HSD17B4: variants seen among roughly 807,000 people sequenced by gnomAD.
The protein encoded by HSD17B4 is peroxisomal multifunctional enzyme type 2.
HSD17B4 carries 70 observed loss-of-function variants against 101.0 expected under a neutral mutation model. The ratio of observed to expected loss-of-function variants is 0.69; its 90% CI spans 0.57 to 0.85. The LOEUF (loss-of-function observed/expected upper bound fraction) is 0.85, where lower values mean the gene tolerates loss of function less well. Among genes scored for constraint, HSD17B4 ranks in the 40% least tolerant of loss-of-function variants. The probability of loss-of-function intolerance (pLI) is 0.00; values close to 1 mark genes in which losing one functional copy is unlikely to be tolerated. For missense variants in HSD17B4, 984 were observed against 892.4 expected (o/e 1.10, Z -1.31); for synonymous variants, 347 against 297.1 (o/e 1.17, Z -1.73).
In HSD17B4 at chr5:119,456,410, T is replaced by G. The variant is rs755684822; in HGVS notation, c.112+42T>G. On this transcript the variant is annotated intron_variant, in intron 2 of 23. Coordinates refer to ENST00000510025, the MANE Select transcript of HSD17B4 (RefSeq NM_000414.4). ...TTCTTTTTAATCTGTAGCTGATAACTGAAATACAATCTTTACAAGCTATCT... is the reference window on the plus strand; with the variant it reads ...TTCTTTTTAATCTGTAGCTGATAACGGAAATACAATCTTTACAAGCTATCT... The G allele has an allele frequency of 3.6e-6, 4 of 1,108,384 alleles. No individual in the cohort carries two copies. The Admixed American group carries it at 6.7e-5, about 19-fold the overall frequency. The allele number at this position is 1,108,384 out of a possible 1,614,324, so 68.7% of individuals were successfully genotyped here. A position where few individuals can be genotyped will look rare whatever the true frequency, so the allele number is the denominator to read the frequency against.
chr5:119,492,032 C>A (rs1750154573), intron 9 of HSD17B4, 68 bp from the exon 10 acceptor site: 1 of 1,320,008 alleles, frequency 7.6e-7, no homozygotes, highest in African/African-American at 1.4e-5. Flanking sequence ...TGACTTTTTT[C>A]TAATTAAAAC....
chr5:119,523,924 A>G (rs1278814757), intron 17 of HSD17B4, among the ~76,000 whole-genome samples: 1 of 152,122 alleles, frequency 6.6e-6, no homozygotes, highest in African/African-American at 2.4e-5. Context: ...TCTAGATCTG[A>G]CTAGTACCAA....
intron 1 of HSD17B4, among the ~76,000 whole-genome samples, chr5:119,453,345 G>T (rs1754273109): frequency 6.6e-6 from 1 of 152,212 alleles, no homozygotes; most frequent in African/African-American, 2.4e-5. Flanking sequence ...GAAGTGGACC[G>T]GCCAGTGGGA....
chr5:119,475,894 TGG>T, intron 6 of HSD17B4, 24 bp downstream of exon 6: 1 of 1,516,128 alleles, frequency 6.6e-7, no homozygotes, highest in Non-Finnish European at 9.2e-7. Flanking sequence ...AGTATTTCTC[TGG>T]GGAACATACT....
Position 119,474,389 on chromosome 5 carries a change from C to G in HSD17B4, c.221-12C>G. On this transcript the variant is annotated splice_polypyrimidine_tract_variant and intron_variant, in intron 3 of 23. Coordinates refer to ENST00000510025, the MANE Select transcript of HSD17B4 (RefSeq NM_000414.4). ...GTTGCCGAAATTTCATACAAATTTT[C>G]CTTTCCCTCAGATTCAGTGGAAGAA... 6.3e-7 allele frequency: 1 copy of G among 1,593,280 alleles called. No individual in the cohort carries two copies. The highest frequency in any genetic ancestry group is 8.6e-7 in the Non-Finnish European group (1 of 1,161,248).
intron 7 of HSD17B4, 195 bp downstream of exon 7, chr5:119,477,696 A>C (rs1420130276): frequency 3.5e-6 from 2 of 575,208 alleles, no homozygotes; most frequent in African/African-American, 3.8e-5. Context: ...TGAGCTGGAA[A>C]GCTTTATATT....
chr5:119,515,574 G>A (rs1340232525), intron 17 of HSD17B4, among the ~76,000 whole-genome samples: 1 of 152,146 alleles, frequency 6.6e-6, no homozygotes, highest in Non-Finnish European at 1.5e-5. Flanking sequence ...TTCTGGTGAA[G>A]GAGATAAAAT....
chr5:119,482,447 A>G (rs549450783), intron 8 of HSD17B4, among the ~76,000 whole-genome samples: 7 of 152,214 alleles, frequency 4.6e-5, no homozygotes, highest in East Asian at 3.9e-4. Flanking sequence ...TCTGCCATAT[A>G]TGAATCTGGT....
chr5:119,492,517 A>G (rs952516441), intron 10 of HSD17B4: 3 of 182,656 alleles, frequency 1.6e-5, no homozygotes, highest in African/African-American at 2.4e-5. Context: ...GGTTGAGCCT[A>G]TTCTAGAGCA....
At position 119,492,302 on chromosome 5, in the gene HSD17B4, A is replaced by G; in HGVS notation, c.739+178A>G. ...TTTTTAAACATTGTGATTGTCCTAT[A>G]GGTCTGTGGCCCTTTCAAGACCCTA... On this transcript the variant is annotated intron_variant, in intron 10 of 23. Transcript: ENST00000510025. 4 of 648,730 alleles carry G rather than the reference A, an allele frequency of 6.2e-6. No individual in the cohort carries two copies. In the South Asian group the frequency reaches 7.1e-5, roughly 12 times the overall value. 40.2% of individuals were successfully genotyped at this position (648,730 alleles called of 1,614,324 possible).
intron 17 of HSD17B4, among the ~76,000 whole-genome samples, chr5:119,518,572 GAGA>G (rs1423656600): frequency 2.6e-5 from 4 of 152,164 alleles, no homozygotes; most frequent in Non-Finnish European, 5.9e-5. Context: ...TGTAAGAGAG[GAGA>G]AGAGCATGAC....
At position 119,497,112 on chromosome 5, in the gene HSD17B4, G is replaced by C. The variant is rs115373430; in HGVS notation, c.972+466G>C. ...TTGGAGAATGGAGGTAACCCACTCA[G>C]CTTCTTCTCCTGGTTGGAAACAGAG... On this transcript the variant is annotated intron_variant, in intron 12 of 23. Coordinates refer to ENST00000510025, the MANE Select transcript of HSD17B4 (RefSeq NM_000414.4). Among the ~76,000 whole-genome samples, 919 of 152,296 alleles carry C rather than the reference G, an allele frequency of 6.0e-3. 9 individuals carry two copies. The highest frequency in any genetic ancestry group is 0.021 in the African/African-American group (856 of 41,564).
chr5:119,452,729 C>A (rs754290532), intron 1 of HSD17B4, 96 bp downstream of exon 1: 1 of 1,603,366 alleles, frequency 6.2e-7, no homozygotes, highest in South Asian at 1.1e-5. Context: ...GCTGAGGTCA[C>A]CCCGCTGAGG....
chr5:119,476,789 CT>C (rs940954244), intron 6 of HSD17B4: 74 of 767,926 alleles, frequency 9.6e-5, no homozygotes, highest in Middle Eastern at 1.3e-3. Context: ...CCCTCTCTTT[CT>C]TTTTTTTAGT....
intron 9 of HSD17B4, 135 bp downstream of exon 9, chr5:119,489,418 C>T (rs776441370): frequency 4.5e-6 from 3 of 672,320 alleles, no homozygotes; most frequent in Non-Finnish European, 8.0e-6. Context: ...TGACTAATAT[C>T]CATTTTTTGG....
intron 1 of HSD17B4, among the ~76,000 whole-genome samples, chr5:119,454,090 CACAT>C (rs1754353909): frequency 6.6e-6 from 1 of 152,198 alleles, no homozygotes. Context: ...CTTACACAAG[CACAT>C]ACATCTGTAT....
At chr5:119,517,493 G>A (rs578252254) in intron 17 of HSD17B4, among the ~76,000 whole-genome samples, 7 of 152,348 alleles carry the variant, frequency 4.6e-5, no homozygotes, top group East Asian at 3.9e-4. Context: ...GAGTGCGAGC[G>A]TACCGCGCGG....
In HSD17B4 at chr5:119,513,603, C is replaced by T. The variant is rs561158196; in HGVS notation, c.1438-1378C>T. On this transcript the variant is annotated intron_variant, in intron 16 of 23. Transcript: ENST00000510025. The stretch of plus-strand genomic sequence containing the variant: ...TTCACCATGTTGGCCAGGCTGGTCT[C>T]GAAATCCTGACCTCAGGTGTCCCAT... Among the ~76,000 whole-genome samples, 11 of 152,254 alleles carry T rather than the reference C, an allele frequency of 7.2e-5. 2 individuals carry two copies. The South Asian group carries it at 1.7e-3, about 23-fold the overall frequency.
At chr5:119,525,116 A>G (rs1043739725) in intron 17 of HSD17B4, 100 bp from the exon 18 acceptor site, 3 of 771,388 alleles carry the variant, frequency 3.9e-6, no homozygotes, top group Non-Finnish European at 7.0e-6. Context: ...GTACATTATG[A>G]TACAATGCTT....
Sources: gnomAD v4.1 joint callset for allele counts (sites outside exome capture counted in the v4.1 genomes callset) on GRCh38, gnomAD v4.1.1 for gene constraint, MANE v1.5 for transcripts, NCBI Gene and HGNC (gene_info 2026-07-23, HGNC 2026-07-21) for gene names.